PTPN13: variants seen among roughly 807,000 people sequenced by gnomAD.
The protein encoded by PTPN13 is tyrosine-protein phosphatase non-receptor type 13.
A neutral mutation model predicts 284.0 loss-of-function variants in PTPN13; 191 were observed. The observed-to-expected ratio is 0.67, with a 90% confidence interval of 0.60 to 0.76. The LOEUF is 0.76. PTPN13 is among the 30% of genes least tolerant of loss of function. PTPN13 has a pLI of 0.00. For missense variants in PTPN13, 2,797 were observed against 2,939.9 expected (o/e 0.95, Z 1.12); for synonymous variants, 986 against 1,022.3 (o/e 0.96, Z 0.68).
At chr4:86,725,532 T>C (rs1734152067) in intron 10 of PTPN13, among the ~76,000 whole-genome samples, 1 of 149,744 alleles carries the variant, frequency 6.7e-6, no homozygotes. Flanking sequence ...AGATGGTATC[T>C]CATTGTGGTT....
At chr4:86,680,795 A>G (rs1036783426) in intron 3 of PTPN13, among the ~76,000 whole-genome samples, 4 of 152,216 alleles carry the variant, frequency 2.6e-5, no homozygotes, top group Admixed American at 6.5e-5. Flanking sequence ...GCCAGTGATT[A>G]TTAGACAGAT....
At chr4:86,657,103 A>G (rs1725925641) in intron 2 of PTPN13, among the ~76,000 whole-genome samples, 1 of 151,978 alleles carries the variant, frequency 6.6e-6, no homozygotes, top group South Asian at 2.1e-4. Flanking sequence ...GAGTGACCCA[A>G]TTTTCCAGGT....
At chr4:86,782,847 C>A (rs1741477282) in intron 37 of PTPN13, among the ~76,000 whole-genome samples, 1 of 152,154 alleles carries the variant, frequency 6.6e-6, no homozygotes, top group Non-Finnish European at 1.5e-5. Flanking sequence ...AATTCCATTT[C>A]ATGCTCTTTT....
At chr4:86,668,463 C>T (rs575623175) in intron 2 of PTPN13, among the ~76,000 whole-genome samples, 8 of 152,232 alleles carry the variant, frequency 5.3e-5, no homozygotes, top group Non-Finnish European at 1.0e-4. Context: ...GAATCCAGTA[C>T]GTAAATGTCA....
chr4:86,609,470 C>T (rs749859940), intron 1 of PTPN13, among the ~76,000 whole-genome samples: 1 of 152,044 alleles, frequency 6.6e-6, no homozygotes, highest in African/African-American at 2.4e-5. Flanking sequence ...GTAATGTCAC[C>T]GAAGCCAGGA....
chr4:86,761,139 A>AATATATATATATATATATAT (rs6148556), intron 23 of PTPN13, among the ~76,000 whole-genome samples: 137 of 120,622 alleles, frequency 1.1e-3, no homozygotes, highest in African/African-American at 1.4e-3. Flanking sequence ...TGTGTGTGTA[A>AATATATATATATATATATAT]ATATATATAT....
intron 2 of PTPN13, among the ~76,000 whole-genome samples, chr4:86,648,359 C>T (rs1724677938): frequency 6.6e-6 from 1 of 152,012 alleles, no homozygotes. Context: ...ATTAACCATC[C>T]TCTCTTTATC....
chr4:86,782,127 T>C, intron 36 of PTPN13, 74 bp from the exon 37 acceptor site: 1 of 1,035,762 alleles, frequency 9.7e-7, no homozygotes, highest in Admixed American at 2.1e-5. Flanking sequence ...AATGTGAGTT[T>C]TCTTTAATTA....
chr4:86,681,972 A>G (rs1728944664), intron 3 of PTPN13, among the ~76,000 whole-genome samples: 1 of 152,194 alleles, frequency 6.6e-6, no homozygotes, highest in Admixed American at 6.5e-5. Context: ...AAATTGTTCT[A>G]CAATGTATAT....
intron 33 of PTPN13, among the ~76,000 whole-genome samples, chr4:86,774,793 C>G (rs1404682969): frequency 6.6e-6 from 1 of 151,424 alleles, no homozygotes; most frequent in East Asian, 1.9e-4. Flanking sequence ...TATACATGAA[C>G]CGTGTTGGTG....
At chr4:86,678,034 G>A (rs1384151031) in intron 3 of PTPN13, among the ~76,000 whole-genome samples, 1 of 152,094 alleles carries the variant, frequency 6.6e-6, no homozygotes, top group Non-Finnish European at 1.5e-5. Flanking sequence ...AATGATACTG[G>A]TGTTCCTAGT....
At chr4:86,710,511 G>C (rs1433797275) in intron 7 of PTPN13, among the ~76,000 whole-genome samples, 1 of 152,176 alleles carries the variant, frequency 6.6e-6, no homozygotes, top group East Asian at 1.9e-4. Flanking sequence ...TATAAGGCCA[G>C]AATATTATGC....
rs1484870714 is a variant in PTPN13, at chr4:86,727,567, T to A, written c.1609-4833T>A. On this transcript the variant is annotated intron_variant, in intron 10 of 47. Transcript: ENST00000411767. ...GAGGGTGTATGTGTCCAGGAATTCA[T>A]CCATTTCTTCTAGATTTTCTAGTTT... Among the ~76,000 whole-genome samples, 4 of 149,556 alleles carry A rather than the reference T, an allele frequency of 2.7e-5. 1 individual carries two copies. The highest frequency in any genetic ancestry group is 4.5e-5 in the Non-Finnish European group (3 of 66,630).
chr4:86,750,348 T>C lies in PTPN13; in HGVS notation c.2651-122T>C, dbSNP rs1048491961. On this transcript the variant is annotated intron_variant, in intron 17 of 47. Transcript: ENST00000411767. ...ACCCTGATTGCCACACTTTGAAAGC[T>C]ACCTACTTATGCTGGCAATCAAAAT... 5 of 881,156 alleles carry C rather than the reference T, an allele frequency of 5.7e-6. No homozygotes were observed. In the African/African-American group the frequency reaches 6.8e-5, roughly 12 times the overall value. 54.6% of individuals were successfully genotyped at this position (881,156 alleles called of 1,614,324 possible).
chr4:86,652,503 T>C (rs1045196638), intron 2 of PTPN13, among the ~76,000 whole-genome samples: 2 of 152,196 alleles, frequency 1.3e-5, no homozygotes, highest in Admixed American at 6.5e-5. Context: ...CTCTCCTTCA[T>C]GTTTGAAGGA....
chr4:86,608,990 G>A (rs1231325386), intron 1 of PTPN13, among the ~76,000 whole-genome samples: 1 of 152,132 alleles, frequency 6.6e-6, no homozygotes, highest in African/African-American at 2.4e-5. Flanking sequence ...ATGTGGTGAT[G>A]TAAAAAGTGT....
At chr4:86,721,341 T>A (rs1048053090) in intron 9 of PTPN13, among the ~76,000 whole-genome samples, 1 of 151,992 alleles carries the variant, frequency 6.6e-6, no homozygotes, top group African/African-American at 2.4e-5. Context: ...TTACAGGTAA[T>A]CATTGAGCAC....
intron 16 of PTPN13, among the ~76,000 whole-genome samples, chr4:86,744,547 G>A (rs561784277): frequency 2.6e-5 from 4 of 152,236 alleles, no homozygotes; most frequent in East Asian, 1.9e-4. Flanking sequence ...GCCATGTAAC[G>A]ATTTTTCAGT....
At chr4:86,794,819 T>C (rs1325733543) in intron 40 of PTPN13, among the ~76,000 whole-genome samples, 1 of 152,106 alleles carries the variant, frequency 6.6e-6, no homozygotes, top group Non-Finnish European at 1.5e-5. Flanking sequence ...ATTTAATAAA[T>C]AGTGCTGGGA....
Sources: gnomAD v4.1 joint callset for allele counts (sites outside exome capture counted in the v4.1 genomes callset) on GRCh38, gnomAD v4.1.1 for gene constraint, MANE v1.5 for transcripts, NCBI Gene and HGNC (gene_info 2026-07-23, HGNC 2026-07-21) for gene names.